EPM2A: variants seen among roughly 807,000 people sequenced by gnomAD.
EPM2A encodes laforin.
Under a neutral mutation model 26.5 loss-of-function variants are expected in EPM2A, and 21 were observed. The observed-to-expected ratio is 0.79, with a 90% CI of 0.56 to 1.14. The LOEUF is 1.14. Ranked by LOEUF, EPM2A falls within the 50% of genes most tolerant of loss-of-function variation. The pLI, the probability that EPM2A is intolerant of heterozygous loss-of-function variation, is 0.00. For synonymous variants in EPM2A, 217 were observed against 177.6 expected, an observed-to-expected ratio of 1.22 and a Z score of -1.76; for missense variants, 458 against 440.8, an observed-to-expected ratio of 1.04 and a Z score of -0.35.
At chr6:145,529,391 T>C (rs1007841399) in intron 2 of EPM2A, among the ~76,000 whole-genome samples, 2 of 152,136 alleles carry the variant, frequency 1.3e-5, no homozygotes, top group Non-Finnish European at 1.5e-5. Flanking sequence ...GAAATTTCCA[T>C]AGCCCCTCCC....
At chr6:145,517,994 T>C (rs2114770310) in intron 2 of EPM2A, among the ~76,000 whole-genome samples, 1 of 152,316 alleles carries the variant, frequency 6.6e-6, no homozygotes, top group Non-Finnish European at 1.5e-5. Flanking sequence ...CGCCAATTGA[T>C]AACCACTTAA....
intron 2 of EPM2A, among the ~76,000 whole-genome samples, chr6:145,644,582 T>C (rs1229855978): frequency 6.6e-6 from 1 of 152,092 alleles, no homozygotes; most frequent in African/African-American, 2.4e-5. Context: ...ATATCAAAAA[T>C]TAGATAAGGT....
At chr6:145,525,634 T>C (rs2114778214) in intron 2 of EPM2A, among the ~76,000 whole-genome samples, 1 of 152,294 alleles carries the variant, frequency 6.6e-6, no homozygotes, top group East Asian at 1.9e-4. Flanking sequence ...CTGATTTGTG[T>C]ACATTGATTT....
At chr6:145,500,312 G>T (rs1779872950), downstream of EPM2A, among the ~76,000 whole-genome samples, 1 of 152,174 alleles carries the variant, frequency 6.6e-6, no homozygotes. Flanking sequence ...TTCTTTGTTT[G>T]ATTTTCTACA....
intron 2 of EPM2A, among the ~76,000 whole-genome samples, chr6:145,571,193 A>G (rs1318860008): frequency 6.6e-6 from 1 of 152,144 alleles, no homozygotes; most frequent in Non-Finnish European, 1.5e-5. Flanking sequence ...AAACTGTTCC[A>G]TATATTGGAT....
Position 145,583,835 on chromosome 6 carries a change from G to A in EPM2A, c.340+51410C>T, listed in dbSNP as rs78244375. 2.5e-3 allele frequency among the ~76,000 whole-genome samples: 374 copies of A among 152,366 alleles called. 4 individuals are homozygous for A. The highest frequency in any genetic ancestry group is 8.4e-3 in the African/African-American group (351 of 41,594). ...GCACACATTTGCACCAGTGGCAGTG[G>A]CAGCACAGCAGGGGTGGGACATTAG... On this transcript the variant is annotated intron_variant, in intron 2 of 3. Coordinates refer to the EPM2A transcript ENST00000450221.
chr6:145,535,028 C>T lies in EPM2A; in HGVS notation c.341-32453G>A, dbSNP rs78572618. On this transcript the variant is annotated intron_variant, in intron 2 of 3. Transcript: ENST00000450221. ...TCACACAACCAATTTGACATATGAT[C>T]GCTCTTCATCTTTTTATCTCCTTCC... 3.2e-3 allele frequency among the ~76,000 whole-genome samples: 489 copies of T among 152,260 alleles called. 3 individuals are homozygous for T. The highest frequency in any genetic ancestry group is 0.014 in the Middle Eastern group (4 of 294).
Position 145,625,722 on chromosome 6 carries a change from T to A in EPM2A, c.*1694A>T. On this transcript the variant is annotated 3_prime_UTR_variant, in exon 4 of 4. Coordinates refer to ENST00000367519, the MANE Select transcript of EPM2A (RefSeq NM_005670.4). ...ATAGTGGAAATGTGTCCTGGCTAGC[T>A]GCCTCTGCCCAAAGCAAATGTCATC... 1.2e-6 allele frequency: 1 copy of A among 836,826 alleles called. No individual in the cohort carries two copies. Among genetic ancestry groups the A allele is most frequent in the African/African-American group, 1.7e-5 (1 of 60,196 alleles). 51.8% of individuals were successfully genotyped at this position (836,826 alleles called of 1,614,324 possible). A position where few individuals can be genotyped will look rare whatever the true frequency, so the allele number is the denominator to read the frequency against.
At chr6:145,623,190 G>T (rs976433000), downstream of EPM2A, among the ~76,000 whole-genome samples, 8 of 152,156 alleles carry the variant, frequency 5.3e-5, no homozygotes, top group African/African-American at 1.2e-4. Context: ...ATAAATTTCT[G>T]CCTTTATAAT....
chr6:145,455,753 A>G (rs1158787317), intron 4 of EPM2A, among the ~76,000 whole-genome samples: 2 of 152,216 alleles, frequency 1.3e-5, no homozygotes, highest in African/African-American at 2.4e-5. Flanking sequence ...TGATAACAAG[A>G]TAGTCATTTG....
At chr6:145,534,813 A>G (rs530043284) in intron 2 of EPM2A, among the ~76,000 whole-genome samples, 1 of 152,298 alleles carries the variant, frequency 6.6e-6, no homozygotes, top group African/African-American at 2.4e-5. Context: ...TTGGTGATAT[A>G]TCTGCATCTG....
intron 4 of EPM2A, among the ~76,000 whole-genome samples, chr6:145,450,607 T>A (rs1253329034): frequency 1.3e-5 from 2 of 152,176 alleles, no homozygotes; most frequent in African/African-American, 4.8e-5. Context: ...AGCAGTTAAA[T>A]GTTCTTGGGG....
At chr6:145,521,900 C>A (rs1780206802) in intron 2 of EPM2A, among the ~76,000 whole-genome samples, 1 of 152,122 alleles carries the variant, frequency 6.6e-6, no homozygotes, top group South Asian at 2.1e-4. Context: ...TGGTAAAGAT[C>A]CATGTCTTTA....
intron 2 of EPM2A, among the ~76,000 whole-genome samples, chr6:145,518,062 T>A (rs961713671): frequency 1.3e-5 from 2 of 152,204 alleles, no homozygotes; most frequent in African/African-American, 4.8e-5. Flanking sequence ...CTAACACTAA[T>A]GCAATGTTTC....
intron 2 of EPM2A, among the ~76,000 whole-genome samples, chr6:145,509,971 A>C (rs1436741825): frequency 1.3e-5 from 2 of 152,134 alleles, no homozygotes; most frequent in Non-Finnish European, 2.9e-5. Flanking sequence ...AACCAAAAAC[A>C]GTGAAAAAGG....
At chr6:145,692,892 AT>A (rs965770466) in intron 1 of EPM2A, among the ~76,000 whole-genome samples, 1 of 152,096 alleles carries the variant, frequency 6.6e-6, no homozygotes, top group African/African-American at 2.4e-5. Flanking sequence ...TGCTTTGGCT[AT>A]TCGAGCTCTT....
chr6:145,493,856 A>G (rs385185), intron 4 of EPM2A, among the ~76,000 whole-genome samples: 68,501 of 152,082 alleles, frequency 0.45, 15,476 homozygotes, highest in South Asian at 0.58. Context: ...TGGTGGATAA[A>G]CTTTTGATGG....
intron 2 of EPM2A, among the ~76,000 whole-genome samples, chr6:145,658,240 T>C (rs1778435416): frequency 6.6e-6 from 1 of 152,226 alleles, no homozygotes; most frequent in Admixed American, 6.5e-5. Flanking sequence ...CCTCTATTTA[T>C]TTTGCATTGT....
chr6:145,512,091 C>T (rs1007720733), intron 2 of EPM2A, among the ~76,000 whole-genome samples: 3 of 151,948 alleles, frequency 2.0e-5, no homozygotes, highest in African/African-American at 2.4e-5. Flanking sequence ...AACTACAAAA[C>T]GCTGATGAAA....
Sources: allele counts gnomAD v4.1 joint callset (sites outside exome capture counted in the v4.1 genomes callset), GRCh38; gene constraint gnomAD v4.1.1; transcripts MANE v1.5; gene names NCBI Gene and HGNC (gene_info 2026-07-23, HGNC 2026-07-21).